Variants in LAMA3 observed in about 807,000 individuals in gnomAD.
The protein encoded by LAMA3 is laminin subunit alpha 3, also known as laminin subunit alpha-3.
Under a neutral mutation model 402.0 loss-of-function variants are expected in LAMA3, and 281 were observed. The ratio of observed to expected loss-of-function variants is 0.70; its 90% confidence interval spans 0.63 to 0.77. The LOEUF is 0.77. Ranked by LOEUF, LAMA3 falls within the 30% of genes least tolerant of loss-of-function variation. The probability of loss-of-function intolerance (pLI) is 0.00; values close to 1 mark genes in which losing one functional copy is unlikely to be tolerated. For synonymous variants in LAMA3, 1,431 were observed against 1,558.4 expected (o/e 0.92, Z 1.93); for missense variants, 3,840 against 4,215.5 (o/e 0.91, Z 2.47).
At chr18:23,801,530 T>C (rs1006562580) in intron 12 of LAMA3, among the ~76,000 whole-genome samples, 1 of 152,202 alleles carries the variant, frequency 6.6e-6, no homozygotes, top group African/African-American at 2.4e-5. Context: ...CCCTTTCATA[T>C]ACAAATTCCC....
chr18:23,890,113 T>C lies in LAMA3; in HGVS notation c.5406T>C (p.Thr1802=), dbSNP rs368167020. 9 of 1,609,306 alleles carry C rather than the reference T, an allele frequency of 5.6e-6. No individual in the cohort carries two copies. Among genetic ancestry groups the C allele is most frequent in the Non-Finnish European group, 7.7e-6 (9 of 1,175,674 alleles). ...NGQLGSCHPL[T]GDCINQEPKD... ...AGCTGGGCAGCTGTCATCCCCTGAC[T>C]GGAGGTAAGGCCGACCCACACCCCT... Residue 1802 remains threonine (T), a synonymous_variant, in exon 42 of 75, where the codon ACT becomes ACC. Coordinates refer to ENST00000313654, the MANE Select transcript of LAMA3 (RefSeq NM_198129.4).
chr18:23,951,778 G>A lies in LAMA3; in HGVS notation c.9736+1G>A, dbSNP rs1234435123. On this transcript the variant is annotated splice_donor_variant, in intron 73 of 74. Coordinates refer to ENST00000313654, the MANE Select transcript of LAMA3 (RefSeq NM_198129.4). LOFTEE classifies it high-confidence loss of function. ...GATGGACAGTGGCACTCGGTGGCAG[G>A]TATGTTGTCCAGTAGCTGATTGTTC... is the stretch of plus-strand genomic sequence containing the variant. 1 of 1,610,908 alleles carries A rather than the reference G, an allele frequency of 6.2e-7. No homozygotes were observed. The highest frequency in any genetic ancestry group is 8.5e-7 in the Non-Finnish European group (1 of 1,177,194).
chr18:23,733,602 T>A (rs1312520446), intron 2 of LAMA3, among the ~76,000 whole-genome samples: 1 of 152,222 alleles, frequency 6.6e-6, no homozygotes. Context: ...GGTGGTGACA[T>A]AGCCAAACCA....
At chr18:23,875,718 G>A (rs1324233479) in intron 38 of LAMA3, among the ~76,000 whole-genome samples, 3 of 152,070 alleles carry the variant, frequency 2.0e-5, no homozygotes, top group Non-Finnish European at 4.4e-5. Flanking sequence ...GAGAGAAAAC[G>A]GCTAGCCAAA....
At chr18:23,690,122 G>C (rs1346347761) in intron 1 of LAMA3, 145 bp downstream of exon 1, 32 of 663,438 alleles carry the variant, frequency 4.8e-5, no homozygotes, top group Non-Finnish European at 6.4e-5. Flanking sequence ...CCGCGCGCGA[G>C]GGCCCACGAC....
intron 73 of LAMA3, 99 bp from the exon 74 acceptor site, chr18:23,952,891 C>G: frequency 1.3e-6 from 2 of 1,539,162 alleles, no homozygotes; most frequent in Middle Eastern, 1.7e-4. Context: ...AACAGCACTC[C>G]CACAGGTCTA....
At position 23,827,335 on chromosome 18, in the gene LAMA3, G is replaced by A. The variant is rs781184800; in HGVS notation, c.2691G>A (p.Leu897=). The A allele has an allele frequency of 1.7e-5, 27 of 1,614,044 alleles. No homozygotes were observed. In the East Asian group the frequency reaches 5.8e-4, roughly 35 times the overall value. The change falls in exon 23 of 75, where the codon TTG becomes TTA. Residue 897 remains leucine, a synonymous_variant. Coordinates refer to ENST00000313654, the MANE Select transcript of LAMA3 (RefSeq NM_198129.4). ...PQENCLLYQH[L]PVTRFPCTLA... is the part of the protein sequence containing the mutation. ...GAAGTTGCTTACTCTACCAGCATTT[G>A]CCAGTGACCAGATTCCCCTGTACCC... is the stretch of plus-strand genomic sequence containing the variant.
At chr18:23,788,170 T>C (rs2062583021) in intron 12 of LAMA3, among the ~76,000 whole-genome samples, 1 of 151,964 alleles carries the variant, frequency 6.6e-6, no homozygotes, top group Non-Finnish European at 1.5e-5. Context: ...CTTGATCTCC[T>C]TTCTTCTATT....
chr18:23,818,268 T>C (rs2063216848), intron 18 of LAMA3, among the ~76,000 whole-genome samples: 1 of 152,244 alleles, frequency 6.6e-6, no homozygotes, highest in Non-Finnish European at 1.5e-5. Flanking sequence ...TCCAACTATG[T>C]AGGTGATTGA....
At chr18:23,742,734 A>C (rs373514708) in intron 2 of LAMA3, among the ~76,000 whole-genome samples, 1 of 152,122 alleles carries the variant, frequency 6.6e-6, no homozygotes, top group East Asian at 1.9e-4. Flanking sequence ...GGTGAAAAGC[A>C]TGTGAGTATT....
intron 12 of LAMA3, among the ~76,000 whole-genome samples, chr18:23,804,741 A>T (rs1442890212): frequency 6.6e-6 from 1 of 152,038 alleles, no homozygotes; most frequent in Non-Finnish European, 1.5e-5. Flanking sequence ...GATCATGGAG[A>T]TGGATCCTTC....
At chr18:23,895,725 T>C (rs1233047272) in intron 44 of LAMA3, among the ~76,000 whole-genome samples, 1 of 152,220 alleles carries the variant, frequency 6.6e-6, no homozygotes, top group Non-Finnish European at 1.5e-5. Flanking sequence ...ACCAATGTTG[T>C]TGATCCTTTT....
At chr18:23,875,111 C>T (rs56886984) in intron 38 of LAMA3, among the ~76,000 whole-genome samples, 2 of 152,106 alleles carry the variant, frequency 1.3e-5, no homozygotes, top group Admixed American at 6.5e-5. Flanking sequence ...GTGATCCACC[C>T]GCCTCGGCCT....
chr18:23,809,545 G>A lies in LAMA3; in HGVS notation c.1604-821G>A, dbSNP rs140936841. 3.0e-4 allele frequency among the ~76,000 whole-genome samples: 46 copies of A among 152,272 alleles called. No homozygotes were observed. In the East Asian group the frequency reaches 8.3e-3, roughly 27 times the overall value. On this transcript the variant is annotated intron_variant, in intron 12 of 74. Transcript: ENST00000313654. Reference sequence around the variant, plus strand: ...AGAAGGGTTTTTGCAATGCAAATGGGGACGACCTTGTGCAACTCCAGCCCA... The same window carrying A: ...AGAAGGGTTTTTGCAATGCAAATGGAGACGACCTTGTGCAACTCCAGCCCA...
At chr18:23,754,291 T>C (rs1365108599) in intron 6 of LAMA3, among the ~76,000 whole-genome samples, 1 of 152,228 alleles carries the variant, frequency 6.6e-6, no homozygotes, top group Non-Finnish European at 1.5e-5. Flanking sequence ...ACTCTTCGTT[T>C]TGCAAAATTG....
intron 37 of LAMA3, among the ~76,000 whole-genome samples, chr18:23,869,478 T>C (rs1003144945): frequency 1.3e-5 from 2 of 152,214 alleles, no homozygotes; most frequent in African/African-American, 4.8e-5. Context: ...ATTATGATGA[T>C]GTTTGCATGC....
intron 8 of LAMA3, among the ~76,000 whole-genome samples, chr18:23,768,814 A>C (rs1253907067): frequency 6.6e-6 from 1 of 152,242 alleles, no homozygotes; most frequent in African/African-American, 2.4e-5. Context: ...GACATAAAAA[A>C]GAATGAAATC....
intron 2 of LAMA3, among the ~76,000 whole-genome samples, chr18:23,736,885 A>ACTCCAG (rs1163325522): frequency 6.6e-6 from 1 of 152,008 alleles, no homozygotes; most frequent in African/African-American, 2.4e-5. Flanking sequence ...GGTTTCCCTT[A>ACTCCAG]CTCCAGCCCA....
At chr18:23,711,842 C>A (rs750143257) in intron 1 of LAMA3, among the ~76,000 whole-genome samples, 4 of 152,144 alleles carry the variant, frequency 2.6e-5, no homozygotes, top group Non-Finnish European at 4.4e-5. Context: ...CTCTAACAAC[C>A]TAGAAAGCAC....
Sources: gnomAD v4.1 joint callset for allele counts (sites outside exome capture counted in the v4.1 genomes callset) on GRCh38, gnomAD v4.1.1 for gene constraint, MANE v1.5 for transcripts, NCBI Gene and HGNC (gene_info 2026-07-23, HGNC 2026-07-21) for gene names.